ILDR2: variants seen among roughly 807,000 people sequenced by gnomAD.
ILDR2 encodes the protein immunoglobulin like domain containing receptor 2.
ILDR2 carries 25 observed loss-of-function variants against 66.8 expected under a neutral mutation model. The ratio of observed to expected loss-of-function variants is 0.37; its 90% CI spans 0.27 to 0.52. The LOEUF is 0.52. Among genes scored for constraint, ILDR2 ranks in the 20% least tolerant of loss-of-function variants. ILDR2 has a pLI of 0.88. For missense variants in ILDR2, 827 were observed against 876.8 expected (o/e 0.94, Z 0.72); for synonymous variants, 367 against 357.2 (o/e 1.03, Z -0.31).
chr1:166,924,025 C>T (rs183859831), intron 7 of ILDR2, among the ~76,000 whole-genome samples: 16 of 73,376 alleles, frequency 2.2e-4, no homozygotes, highest in African/African-American at 8.9e-4. Flanking sequence ...CCCCAAGAGT[C>T]CTTGGAGGAA....
At chr1:166,924,216 T>C (rs1346735045) in intron 7 of ILDR2, among the ~76,000 whole-genome samples, 1 of 152,214 alleles carries the variant, frequency 6.6e-6, no homozygotes. Context: ...ATGCCTATTT[T>C]AAGGAAAATA....
In ILDR2 at chr1:166,911,621, G is replaced by A. The variant is rs1165750911; in HGVS notation, c.*7734C>T. ...TTACTGGATATAAAATTTTAAGTTA[G>A]TATCTTTAAGATATTCAGATAAATA... On this transcript the variant is annotated 3_prime_UTR_variant, in exon 10 of 10. Coordinates refer to ENST00000271417, the MANE Select transcript of ILDR2 (RefSeq NM_199351.3). 1 of 149,424 alleles carries A rather than the reference G, an allele frequency of 6.7e-6. No homozygotes were observed. The highest frequency in any genetic ancestry group is 6.7e-5 in the Admixed American group (1 of 14,972). The allele number at this position is 149,424 out of a possible 1,614,324, so 9.3% of individuals were successfully genotyped here.
intron 1 of ILDR2, among the ~76,000 whole-genome samples, chr1:166,970,719 C>A (rs952947760): frequency 5.9e-5 from 9 of 152,096 alleles, no homozygotes. Flanking sequence ...AACTAGCCAC[C>A]CAGAATACTC....
chr1:166,965,700 G>A (rs1048363275), intron 1 of ILDR2, among the ~76,000 whole-genome samples: 21 of 150,060 alleles, frequency 1.4e-4, no homozygotes, highest in Middle Eastern at 3.4e-3. Context: ...AGCCTCCCAC[G>A]TAGCTGGGAC....
chr1:166,902,815 C>T (rs1181765408), intron 2 of ILDR2, among the ~76,000 whole-genome samples: 2 of 152,194 alleles, frequency 1.3e-5, no homozygotes, highest in Non-Finnish European at 2.9e-5. Context: ...AGCATCCTAT[C>T]CTACCCTGCA....
intron 4 of ILDR2, among the ~76,000 whole-genome samples, chr1:166,937,420 C>T (rs1436444767): frequency 6.6e-6 from 1 of 152,198 alleles, no homozygotes; most frequent in African/African-American, 2.4e-5. Flanking sequence ...AGACACTGTC[C>T]CCGTGAACAG....
chr1:166,953,448 C>T (rs1662104652), intron 3 of ILDR2, among the ~76,000 whole-genome samples: 1 of 152,112 alleles, frequency 6.6e-6, no homozygotes, highest in African/African-American at 2.4e-5. Flanking sequence ...ATCTTTAACC[C>T]ATCTTTTCTT....
rs1247087366 is a variant in ILDR2 at position 166,909,784 on chromosome 1, T to C, written c.*9571A>G. ...AAATATATATAAATATATATATTTA[T>C]ATATATATATATATATATATATCCT... On this transcript the variant is annotated 3_prime_UTR_variant, in exon 10 of 10. Coordinates refer to ENST00000271417, the MANE Select transcript of ILDR2 (RefSeq NM_199351.3). 1 of 82,246 alleles carries C rather than the reference T, an allele frequency of 1.2e-5. No individual in the cohort carries two copies. The highest frequency in any genetic ancestry group is 3.2e-4 in the East Asian group (1 of 3,164). 5.1% of individuals were successfully genotyped at this position (82,246 alleles called of 1,614,324 possible).
At chr1:166,973,587 A>T (rs1388227881) in intron 1 of ILDR2, among the ~76,000 whole-genome samples, 1 of 143,796 alleles carries the variant, frequency 7.0e-6, no homozygotes, top group African/African-American at 2.6e-5. Context: ...GTGTCTGTAA[A>T]GAGCACCTCT....
rs1364594132 is a variant in ILDR2, at chr1:166,908,865, G to C, written c.*10490C>G. The C allele has an allele frequency of 6.6e-6, 1 of 152,238 alleles. No individual in the cohort carries two copies. The highest frequency in any genetic ancestry group is 1.5e-5 in the Non-Finnish European group (1 of 68,054). The allele number at this position is 152,238 out of a possible 1,614,324, so 9.4% of individuals were successfully genotyped here. A position where few individuals can be genotyped will look rare whatever the true frequency, so the allele number is the denominator to read the frequency against. On this transcript the variant is annotated 3_prime_UTR_variant, in exon 10 of 10. Coordinates refer to ENST00000271417, the MANE Select transcript of ILDR2 (RefSeq NM_199351.3). Reference sequence around the variant, plus strand: ...TTGGGTTGGAATAATACGTGTGAGGGAATTGGCAACAAAAGGAAGCCGGAA... The same window carrying C: ...TTGGGTTGGAATAATACGTGTGAGGCAATTGGCAACAAAAGGAAGCCGGAA...
intron 3 of ILDR2, 30 bp downstream of exon 3, chr1:166,956,703 A>T (rs779935604): frequency 6.8e-6 from 11 of 1,611,446 alleles, no homozygotes; most frequent in Non-Finnish European, 5.9e-6. Context: ...GTGGTCTAAG[A>T]TGAAAATGTC....
Position 166,909,750 on chromosome 1 carries a change from T to TATATATATAAAA in ILDR2, c.*9604_*9605insTTTTATATATAT, listed in dbSNP as rs1659425759. ...GTGTATACATACATATATATATATA[T>TATATATATAAAA]ATATATATAAATATATATAAATATA... On this transcript the variant is annotated 3_prime_UTR_variant, in exon 10 of 10. Transcript: ENST00000271417. The TATATATATAAAA allele has an allele frequency of 9.3e-6, 1 of 108,016 alleles. No homozygotes were observed. The highest frequency in any genetic ancestry group is 1.7e-5 in the Non-Finnish European group (1 of 57,430). The allele number at this position is 108,016 out of a possible 1,614,324, so 6.7% of individuals were successfully genotyped here.
At chr1:166,973,509 C>T (rs1047320875) in intron 1 of ILDR2, among the ~76,000 whole-genome samples, 1 of 150,856 alleles carries the variant, frequency 6.6e-6, no homozygotes, top group Admixed American at 6.6e-5. Flanking sequence ...CTAAAGAGAG[C>T]TCTATGTTTC....
intron 6 of ILDR2, among the ~76,000 whole-genome samples, chr1:166,931,825 C>T (rs986210808): frequency 2.0e-5 from 3 of 152,126 alleles, no homozygotes; most frequent in Admixed American, 1.3e-4. Context: ...ACAATGCCAT[C>T]CACTGAGATA....
chr1:166,926,635 A>C (rs1660313032), intron 7 of ILDR2, among the ~76,000 whole-genome samples: 1 of 151,676 alleles, frequency 6.6e-6, no homozygotes, highest in South Asian at 2.1e-4. Flanking sequence ...ATTACTTTGA[A>C]TATATTTTAA....
Position 166,921,146 on chromosome 1 carries a change from C to T in ILDR2, c.1445G>A (p.Ser482Asn). The T allele has an allele frequency of 6.5e-7, 1 of 1,532,986 alleles. No homozygotes were observed. The highest frequency in any genetic ancestry group is 8.7e-7 in the Non-Finnish European group (1 of 1,145,616). 95.0% of individuals were successfully genotyped at this position (1,532,986 alleles called of 1,614,324 possible). A position where few individuals can be genotyped will look rare whatever the true frequency, so the allele number is the denominator to read the frequency against. The change falls in exon 9 of 10, where the codon AGC (serine) becomes AAC (asparagine). Residue 482 changes from serine (S) to asparagine (N), a missense_variant. Coordinates refer to ENST00000271417, the MANE Select transcript of ILDR2 (RefSeq NM_199351.3). The surrounding 1 kb of genome is among the most constrained non-coding windows in gnomAD (Gnocchi z 5.3). ...DSLEEYYGQRSRSREPLTDAD... is the reference protein window; with the variant it reads ...DSLEEYYGQRNRSREPLTDAD... The stretch of plus-strand genomic sequence containing the variant: ...ATCGGTCAGGGGCTCGCGGCTGCGG[C>T]TGCGCTGACCGTAGTACTCCTCCAA...
chr1:166,943,076 G>T (rs147517264), intron 3 of ILDR2, among the ~76,000 whole-genome samples: 4 of 152,308 alleles, frequency 2.6e-5, no homozygotes, highest in East Asian at 3.9e-4. Context: ...CCACAGGGTA[G>T]TGTAGGTGAT....
intron 2 of ILDR2, among the ~76,000 whole-genome samples, chr1:166,900,721 G>A (rs1246012212): frequency 6.6e-6 from 1 of 152,194 alleles, no homozygotes; most frequent in African/African-American, 2.4e-5. Context: ...GAGAAAGTAA[G>A]AGAAGTCTGT....
intron 2 of ILDR2, among the ~76,000 whole-genome samples, chr1:166,900,144 C>T (rs992764904): frequency 1.3e-5 from 2 of 152,094 alleles, no homozygotes; most frequent in Admixed American, 1.3e-4. Context: ...CCTTTCATGA[C>T]CCCCATGGCA....
Sources: allele counts gnomAD v4.1 joint callset (sites outside exome capture counted in the v4.1 genomes callset), GRCh38; gene constraint gnomAD v4.1.1; non-coding constraint Gnocchi (gnomAD v3.1); transcripts MANE v1.5; gene names NCBI Gene and HGNC (gene_info 2026-07-23, HGNC 2026-07-21).